Variants in HNRNPM observed in about 807,000 individuals in gnomAD.
HNRNPM encodes the protein heterogeneous nuclear ribonucleoprotein M.
In HNRNPM, 11 loss-of-function variants were observed where a neutral mutation model predicts 73.1. The observed-to-expected ratio is 0.15, with a 90% CI of 0.09 to 0.25. The LOEUF (loss-of-function observed/expected upper bound fraction) is 0.25. Ranked by LOEUF, HNRNPM falls within the 10% of genes least tolerant of loss-of-function variation. The probability of loss-of-function intolerance (pLI) is 1.00; values close to 1 mark genes in which losing one functional copy is unlikely to be tolerated. For synonymous variants in HNRNPM, 407 were observed against 355.2 expected, an observed-to-expected ratio of 1.15 and a Z score of -1.64; for missense variants, 789 against 1,067.9, an observed-to-expected ratio of 0.74 and a Z score of 3.64.
intron 3 of HNRNPM, 85 bp from the exon 4 acceptor site, chr19:8,463,412 T>C: frequency 7.2e-7 from 1 of 1,385,956 alleles, no homozygotes; most frequent in South Asian, 1.2e-5. Context: ...TTAGTTTGTT[T>C]ATAACTGTCA....
intron 10 of HNRNPM, among the ~76,000 whole-genome samples, chr19:8,472,782 A>G (rs2145701977): frequency 6.6e-6 from 1 of 152,234 alleles, no homozygotes; most frequent in East Asian, 1.9e-4. Flanking sequence ...GGGTTTCACC[A>G]TGTTGGTCAG....
intron 13 of HNRNPM, among the ~76,000 whole-genome samples, chr19:8,483,460 A>G (rs1056030675): frequency 2.0e-5 from 3 of 152,250 alleles, no homozygotes; most frequent in Non-Finnish European, 4.4e-5. Context: ...ATGCATGTGA[A>G]AGAGTGCTTC....
chr19:8,445,080 C>T lies in HNRNPM; in HGVS notation c.82C>T (p.Pro28Ser), dbSNP rs1968033289. The T allele has an allele frequency of 2.1e-6, 3 of 1,423,312 alleles. No homozygotes were observed. The highest frequency in any genetic ancestry group is 1.5e-5 in the African/African-American group (1 of 66,830). 88.2% of individuals were successfully genotyped at this position (1,423,312 alleles called of 1,614,324 possible). Residue 28 changes from proline (P) to serine (S), a missense_variant, in exon 1 of 16, where the codon CCG becomes TCG. Physicochemically the swap from Pro to Ser is moderately conservative, Grantham distance 74 (BLOSUM62 -1). This residue lies in a region of HNRNPM where 79 missense variants were observed against 70.7 expected (regional missense o/e 1.12). Transcript: ENST00000325495. The stretch of plus-strand genomic sequence containing the variant: ...GGAAGAGAGCGGCGCGCCCGGCGTG[C>T]CGAGCGGCAACGGGGCTCCGGGCCC... ...MEEESGAPGV[P>S]SGNGAPGPKG...
intron 12 of HNRNPM, among the ~76,000 whole-genome samples, chr19:8,480,144 G>A (rs1308957061): frequency 2.1e-5 from 3 of 145,984 alleles, no homozygotes; most frequent in Non-Finnish European, 4.5e-5. Context: ...TTGGGAGGCC[G>A]AGGCTGGTGA....
rs546178369 is a variant in HNRNPM, at chr19:8,453,940, A to G, written c.114-1465A>G. ...AAGAGTGCAATGGGAAGGCCGTGCC[A>G]GAAAAGCAGCCACCCTTCTTTGCCA... On this transcript the variant is annotated intron_variant, in intron 1 of 15. Coordinates refer to ENST00000325495, the MANE Select transcript of HNRNPM (RefSeq NM_005968.5). Among the ~76,000 whole-genome samples, 167 of 152,332 alleles carry G rather than the reference A, an allele frequency of 1.1e-3. 1 individual carries two copies. The highest frequency in any genetic ancestry group is 3.8e-3 in the African/African-American group (157 of 41,580).
Position 8,488,889 on chromosome 19 carries a change from C to G in HNRNPM, c.*35C>G. 1.3e-6 allele frequency: 2 copies of G among 1,539,032 alleles called. No individual in the cohort carries two copies. The highest frequency in any genetic ancestry group is 1.8e-6 in the Non-Finnish European group (2 of 1,130,538). ...TTTTTTAAACATCGATACGAGACCT[C>G]TGAATTTGTATTTTTTCTTGTTAAC... On this transcript the variant is annotated 3_prime_UTR_variant, in exon 16 of 16. Coordinates refer to ENST00000325495, the MANE Select transcript of HNRNPM (RefSeq NM_005968.5).
In HNRNPM at chr19:8,445,077, G is replaced by A. The variant is rs1041849932; in HGVS notation, c.79G>A (p.Val27Met). The change falls in exon 1 of 16, where the codon GTG becomes ATG. Residue 27 changes from valine to methionine, a missense_variant. Transcript: ENST00000325495. ...KMEEESGAPG[V>M]PSGNGAPGPK... is the part of the protein sequence containing the mutation. ...GGAGGAAGAGAGCGGCGCGCCCGGCGTGCCGAGCGGCAACGGGGCTCCGGG... is the reference window on the plus strand; with the variant it reads ...GGAGGAAGAGAGCGGCGCGCCCGGCATGCCGAGCGGCAACGGGGCTCCGGG... The A allele has an allele frequency of 1.4e-6, 2 of 1,421,692 alleles. No homozygotes were observed. Among genetic ancestry groups the A allele is most frequent in the Non-Finnish European group, 1.8e-6 (2 of 1,087,864 alleles). The allele number at this position is 1,421,692 out of a possible 1,614,324, so 88.1% of individuals were successfully genotyped here. A position where few individuals can be genotyped will look rare whatever the true frequency, so the allele number is the denominator to read the frequency against.
chr19:8,474,499 G>GC (rs1472927701), intron 12 of HNRNPM, among the ~76,000 whole-genome samples: 1 of 152,148 alleles, frequency 6.6e-6, no homozygotes, highest in Non-Finnish European at 1.5e-5. Flanking sequence ...GTGTTAAAAA[G>GC]CATGTACACG....
At chr19:8,452,402 T>A (rs927623209) in intron 1 of HNRNPM, among the ~76,000 whole-genome samples, 3 of 151,564 alleles carry the variant, frequency 2.0e-5, no homozygotes, top group Non-Finnish European at 4.4e-5. Flanking sequence ...TCTGTTATGT[T>A]TTATGATTTT....
chr19:8,471,424 G>T lies in HNRNPM; in HGVS notation c.994G>T (p.Ala332Ser). Residue 332 changes from alanine to serine, a missense_variant, in exon 10 of 16, where the codon GCA becomes TCA. Physicochemically the swap from Ala to Ser is moderately conservative, Grantham distance 99. Transcript: ENST00000325495. ...KGIGMGNIGP[A>S]GMGMEGIGFG... ...CATCGGAATGGGAAACATAGGTCCCGCAGGTGAGAATGACAGTGCACCTTG... is the reference window on the plus strand; with the variant it reads ...CATCGGAATGGGAAACATAGGTCCCTCAGGTGAGAATGACAGTGCACCTTG... 6.3e-7 allele frequency: 1 copy of T among 1,585,514 alleles called. No individual in the cohort carries two copies. Among genetic ancestry groups the T allele is most frequent in the South Asian group, 1.1e-5 (1 of 87,696 alleles).
Position 8,463,617 on chromosome 19 carries a change from G to C in HNRNPM, c.369G>C (p.Glu123Asp). The C allele has an allele frequency of 1.9e-6, 3 of 1,614,040 alleles. No homozygotes were observed. Among genetic ancestry groups the C allele is most frequent in the Non-Finnish European group, 2.5e-6 (3 of 1,179,916 alleles). ...GCAVVEFKME[E>D]SMKKAAEVLN... ...GTGTTGTTGAATTCAAGATGGAAGA[G>C]AGCATGAAAAAAGCTGCGGAAGTCC... Residue 123 changes from glutamate to aspartate, a missense_variant, in exon 5 of 16, where the codon GAG becomes GAC. This residue lies in a region of HNRNPM where 63 missense variants were observed against 147.4 expected (regional missense o/e 0.43). Transcript: ENST00000325495.
chr19:8,453,392 G>C (rs12982981), intron 1 of HNRNPM, among the ~76,000 whole-genome samples: 1 of 149,530 alleles, frequency 6.7e-6, no homozygotes, highest in African/African-American at 2.5e-5. Context: ...ACACCTGCCT[G>C]AGCCTCCCAA....
chr19:8,459,484 C>T (rs970740622), intron 2 of HNRNPM, among the ~76,000 whole-genome samples: 3 of 151,916 alleles, frequency 2.0e-5, no homozygotes, highest in African/African-American at 7.3e-5. Flanking sequence ...CTGTGCACTC[C>T]CCTCGCCCAA....
rs760285171 is a variant in HNRNPM at position 8,485,797 on chromosome 19, A to G, written c.1369A>G (p.Met457Val). Residue 457 changes from methionine to valine, a missense_variant, in exon 14 of 16, where the codon ATG becomes GTG. By Grantham distance (21) the Met-to-Val change is conservative (BLOSUM62 1). Transcript: ENST00000325495. ...VERMGSGIER[M>V]GPLGLDHMAS... ...GCGCATGGGCTCCGGCATTGAGCGC[A>G]TGGGCCCGCTGGGCCTCGACCACAT... The G allele has an allele frequency of 1.4e-5, 22 of 1,602,744 alleles. No individual in the cohort carries two copies. Among genetic ancestry groups the G allele is most frequent in the Non-Finnish European group, 1.7e-5 (20 of 1,179,174 alleles).
intron 5 of HNRNPM, 77 bp from the exon 6 acceptor site, chr19:8,465,247 G>T (rs1969665014): frequency 1.7e-6 from 2 of 1,149,692 alleles, no homozygotes; most frequent in Non-Finnish European, 2.4e-6. Flanking sequence ...TAAGTCTTGA[G>T]AATATCATTT....
At position 8,486,273 on chromosome 19, in the gene HNRNPM, C is replaced by T. The variant is rs147306550; in HGVS notation, c.1845C>T (p.Gly615=). 362 of 1,601,732 alleles carry T rather than the reference C, an allele frequency of 2.3e-4. No homozygotes were observed. The highest frequency in any genetic ancestry group is 3.3e-4 in the Middle Eastern group (2 of 6,080). Residue 615 remains glycine (G), a synonymous_variant, in exon 14 of 16, where the codon GGC becomes GGT. Coordinates refer to ENST00000325495, the MANE Select transcript of HNRNPM (RefSeq NM_005968.5). Reference sequence around the variant, plus strand: ...TGGGCCTGGCCATGGGTGGCGGTGGCGGTGCCAGCTTTGACCGTGCCATCG... The same window carrying T: ...TGGGCCTGGCCATGGGTGGCGGTGGTGGTGCCAGCTTTGACCGTGCCATCG... ...ERMGLAMGGG[G]GASFDRAIEM...
In HNRNPM at chr19:8,462,839, G is replaced by A. The variant is rs1454251268; in HGVS notation, c.336+258G>A. ...ATAACTGGGGACCAATAGCAGCATTGTCTCTTTGTTAACAGAGGAATTGGC... is the reference window on the plus strand; with the variant it reads ...ATAACTGGGGACCAATAGCAGCATTATCTCTTTGTTAACAGAGGAATTGGC... On this transcript the variant is annotated intron_variant, in intron 3 of 15. Transcript: ENST00000325495. The surrounding 1 kb of genome is among the most constrained non-coding windows in gnomAD (Gnocchi z 4.5). 6.6e-6 allele frequency among the ~76,000 whole-genome samples: 1 copy of A among 152,140 alleles called. No homozygotes were observed. The highest frequency in any genetic ancestry group is 2.4e-5 in the African/African-American group (1 of 41,424).
intron 2 of HNRNPM, 129 bp downstream of exon 2, chr19:8,455,703 G>A: frequency 3.2e-6 from 2 of 621,698 alleles, no homozygotes; most frequent in East Asian, 2.8e-5. Context: ...GCTTAAGAGT[G>A]AAGCCCCCTT....
chr19:8,486,777 G>A (rs749726967), intron 14 of HNRNPM, among the ~76,000 whole-genome samples: 4 of 152,218 alleles, frequency 2.6e-5, no homozygotes, highest in African/African-American at 4.8e-5. Context: ...GCTGCGCACC[G>A]CAGGCCTGAG....
Sources: gnomAD v4.1 joint callset for allele counts (sites outside exome capture counted in the v4.1 genomes callset) on GRCh38, gnomAD v4.1.1 for gene constraint, gnomAD v4.1.1 regional missense constraint, Gnocchi (gnomAD v3.1) non-coding constraint, MANE v1.5 for transcripts, NCBI Gene and HGNC (gene_info 2026-07-23, HGNC 2026-07-21) for gene names.